The following THNSL1 variants were observed in gnomAD, a reference collection of about 807,000 sequenced individuals.
THNSL1 encodes threonine synthase like 1.
Under a neutral mutation model 50.4 loss-of-function variants are expected in THNSL1, and 48 were observed. The ratio of observed to expected loss-of-function variants is 0.95; its 90% CI spans 0.76 to 1.21. The LOEUF is 1.21. THNSL1 is among the 50% of genes most tolerant of loss of function. THNSL1 has a pLI of 0.00. For synonymous variants in THNSL1, 309 were observed against 306.1 expected (o/e 1.01, Z -0.10); for missense variants, 896 against 871.7 (o/e 1.03, Z -0.35).
the THNSL1 span, among the ~76,000 whole-genome samples, chr10:24,976,616 A>G: frequency 6.6e-6 from 1 of 152,026 alleles, no homozygotes; most frequent in Non-Finnish European, 1.5e-5. Flanking sequence ...CAGCCTCCCA[A>G]GTAGCTGGGA....
chr10:24,995,977 T>A, the THNSL1 span: 1 of 837,226 alleles, frequency 1.2e-6, no homozygotes. Context: ...GTTGCAGTCA[T>A]AATATATTTA....
At chr10:24,992,664 A>G in the THNSL1 span, among the ~76,000 whole-genome samples, 3 of 152,232 alleles carry the variant, frequency 2.0e-5, no homozygotes, top group Non-Finnish European at 4.4e-5. Context: ...ACAACCCTCA[A>G]AGGGCACGTG....
the THNSL1 span, among the ~76,000 whole-genome samples, chr10:25,007,415 C>CTTAT: frequency 5.3e-5 from 8 of 151,928 alleles, no homozygotes; most frequent in Admixed American, 2.0e-4. Flanking sequence ...GTATAGGTTT[C>CTTAT]TTATTTATTT....
At chr10:24,972,880 A>G in the THNSL1 span, among the ~76,000 whole-genome samples, 1 of 152,218 alleles carries the variant, frequency 6.6e-6, no homozygotes, top group Non-Finnish European at 1.5e-5. Context: ...AGCAGGGAAT[A>G]CATTCTAAGA....
At chr10:24,977,788 A>G in the THNSL1 span, among the ~76,000 whole-genome samples, 1 of 152,236 alleles carries the variant, frequency 6.6e-6, no homozygotes, top group Non-Finnish European at 1.5e-5. Flanking sequence ...ATATTTATAG[A>G]AAAGTTACAT....
the THNSL1 span, among the ~76,000 whole-genome samples, chr10:25,002,730 G>GT: frequency 6.6e-6 from 1 of 151,890 alleles, no homozygotes. Context: ...AAACATTATT[G>GT]TTTTTTTCCT....
chr10:25,021,110 A>T (rs1304324899), intron 1 of THNSL1, among the ~76,000 whole-genome samples: 1 of 152,206 alleles, frequency 6.6e-6, no homozygotes, highest in Admixed American at 6.5e-5. Flanking sequence ...AAACCAAACC[A>T]TAAAAAAAAT....
At chr10:24,980,076 A>C in the THNSL1 span, among the ~76,000 whole-genome samples, 1 of 152,194 alleles carries the variant, frequency 6.6e-6, no homozygotes, top group African/African-American at 2.4e-5. Context: ...TAGTCCACTA[A>C]CTAATCTCCC....
the THNSL1 span, chr10:24,983,710 C>T: frequency 4.3e-4 from 65 of 152,250 alleles, no homozygotes; most frequent in African/African-American, 1.4e-3. Context: ...GCCTGAAAGA[C>T]TCCCATATTT....
the THNSL1 span, among the ~76,000 whole-genome samples, chr10:24,965,158 A>T: frequency 6.6e-6 from 1 of 152,228 alleles, no homozygotes; most frequent in South Asian, 2.1e-4. Context: ...CCAACCCTGA[A>T]ATCTACCATG....
At chr10:24,970,906 C>G in the THNSL1 span, among the ~76,000 whole-genome samples, 1 of 151,444 alleles carries the variant, frequency 6.6e-6, no homozygotes, top group Admixed American at 6.6e-5. Flanking sequence ...CACCTGTAAT[C>G]TCAGCTACTC....
chr10:25,008,570 AC>A, the THNSL1 span, among the ~76,000 whole-genome samples: 1 of 152,204 alleles, frequency 6.6e-6, no homozygotes, highest in Non-Finnish European at 1.5e-5. Flanking sequence ...AAAATGAAAC[AC>A]TGATTATGTG....
At chr10:24,978,542 A>G in the THNSL1 span, among the ~76,000 whole-genome samples, 3 of 151,706 alleles carry the variant, frequency 2.0e-5, no homozygotes, top group Non-Finnish European at 1.5e-5. Flanking sequence ...GGCTTCCTAG[A>G]GAGACCATGT....
At chr10:24,999,619 A>G in the THNSL1 span, 1 of 1,306,472 alleles carries the variant, frequency 7.7e-7, no homozygotes, top group Non-Finnish European at 1.1e-6. Context: ...TTAAAGTTTA[A>G]ATCTTACATT....
chr10:25,023,388 C>T lies in THNSL1; in HGVS notation c.165C>T (p.Asp55=). The T allele has an allele frequency of 6.2e-7, 1 of 1,614,070 alleles. No individual in the cohort carries two copies. The highest frequency in any genetic ancestry group is 1.1e-5 in the South Asian group (1 of 91,078). ...ATTCAACCCACTCTCTTGTTGGAGACAAAAATATTATCCTGATGGGACCTC... is the reference window on the plus strand; with the variant it reads ...ATTCAACCCACTCTCTTGTTGGAGATAAAAATATTATCCTGATGGGACCTC... ...SWYSTHSLVG[D]KNIILMGPPG... The change falls in exon 3 of 3, where the codon GAC becomes GAT. Residue 55 remains aspartate, a synonymous_variant. Coordinates refer to ENST00000376356, the MANE Select transcript of THNSL1 (RefSeq NM_024838.5).
chr10:24,963,612 G>GT, the THNSL1 span, among the ~76,000 whole-genome samples: 2 of 152,138 alleles, frequency 1.3e-5, no homozygotes, highest in African/African-American at 4.8e-5. Context: ...TGTTCTAAAA[G>GT]TTTTTTCCAA....
rs747517143 is a variant in THNSL1, at chr10:25,025,328, C to T, written c.2105C>T (p.Pro702Leu). Residue 702 changes from proline (P) to leucine (L), a missense_variant, in exon 3 of 3, where the codon CCT becomes CTT. By Grantham distance (98) the Pro-to-Leu change is moderately conservative (BLOSUM62 -3). Coordinates refer to ENST00000376356, the MANE Select transcript of THNSL1 (RefSeq NM_024838.5). ...TTGCTGGGTTCATACAATGCATTAC[C>T]TCCACTGCATGAGGCTTTATTAGAG... Reference protein sequence around the residue: ...LYLLGSYNALPPLHEALLERT... With the variant: ...LYLLGSYNALLPLHEALLERT... 6.2e-7 allele frequency: 1 copy of T among 1,614,024 alleles called. No individual in the cohort carries two copies. The highest frequency in any genetic ancestry group is 2.2e-5 in the East Asian group (1 of 44,890).
chr10:25,015,885 A>G, upstream of THNSL1: 1 of 1,606,308 alleles, frequency 6.2e-7, no homozygotes, highest in Non-Finnish European at 8.5e-7. Flanking sequence ...GGCTCCTTCA[A>G]GTCACTGGGT....
the THNSL1 span, among the ~76,000 whole-genome samples, chr10:25,005,538 C>A: frequency 6.6e-6 from 1 of 152,152 alleles, no homozygotes; most frequent in Non-Finnish European, 1.5e-5. Flanking sequence ...CCCAGTATTA[C>A]TGCAGCATTA....
Sources: gnomAD v4.1 joint callset for allele counts (sites outside exome capture counted in the v4.1 genomes callset) on GRCh38, gnomAD v4.1.1 for gene constraint, MANE v1.5 for transcripts, NCBI Gene and HGNC (gene_info 2026-07-23, HGNC 2026-07-21) for gene names.